The following NFATC2 variants were observed in gnomAD, a reference collection of about 807,000 sequenced individuals.
The protein encoded by NFATC2 is nuclear factor of activated T cells 2.
Under a neutral mutation model 87.3 loss-of-function variants are expected in NFATC2, and 22 were observed. The observed-to-expected ratio is 0.25, with a 90% CI of 0.18 to 0.36. The LOEUF (loss-of-function observed/expected upper bound fraction) is 0.36. NFATC2 is among the 10% of genes least tolerant of loss of function. The pLI, the probability that NFATC2 is intolerant of heterozygous loss-of-function variation, is 1.00. For synonymous variants in NFATC2, 565 were observed against 542.2 expected, an observed-to-expected ratio of 1.04 and a Z score of -0.58; for missense variants, 1,149 against 1,259.1, an observed-to-expected ratio of 0.91 and a Z score of 1.32.
In NFATC2 at chr20:51,523,068, A is replaced by T; in HGVS notation, c.1160+13T>A. 6.2e-7 allele frequency: 1 copy of T among 1,614,030 alleles called. No individual in the cohort carries two copies. Among genetic ancestry groups the T allele is most frequent in the Non-Finnish European group, 8.5e-7 (1 of 1,180,020 alleles). ...TAAACCACAGAATCAATCATTTTCA[A>T]AGCCCTGCTCACCTGCAGATGGGAA... On this transcript the variant is annotated intron_variant, in intron 2 of 10. Coordinates refer to ENST00000371564, the MANE Select transcript of NFATC2 (RefSeq NM_012340.5). The surrounding 1 kb of genome is among the most constrained non-coding windows in gnomAD (Gnocchi z 6.9).
In NFATC2 at chr20:51,390,358, T is replaced by C. The variant is rs942476891; in HGVS notation, c.*1138A>G. On this transcript the variant is annotated 3_prime_UTR_variant, in exon 11 of 11. Transcript: ENST00000371564. ...TCCTCTATCTTGGTAGAAACCCACC[T>C]CCAGAAGCACTTGGGCTGTTTTACT... The C allele has an allele frequency of 4.6e-5, 7 of 152,234 alleles. No homozygotes were observed. Among genetic ancestry groups the C allele is most frequent in the African/African-American group, 1.7e-4 (7 of 41,464 alleles). The allele number at this position is 152,234 out of a possible 1,614,324, so 9.4% of individuals were successfully genotyped here.
intron 5 of NFATC2, among the ~76,000 whole-genome samples, chr20:51,464,745 A>AC: frequency 6.6e-6 from 1 of 152,200 alleles, no homozygotes; most frequent in Non-Finnish European, 1.5e-5. Context: ...TTATAATGAG[A>AC]TGATGCCACC....
At chr20:51,404,905 T>G (rs1452650255) in intron 9 of NFATC2, among the ~76,000 whole-genome samples, 1 of 152,204 alleles carries the variant, frequency 6.6e-6, no homozygotes, top group African/African-American at 2.4e-5. Context: ...ACAAGCACCC[T>G]GCCACCAGCC....
chr20:51,554,735 G>T (rs16996079), intron 1 of NFATC2, among the ~76,000 whole-genome samples: 1,976 of 152,204 alleles, frequency 0.013, 36 homozygotes, highest in African/African-American at 0.044. Flanking sequence ...GTTTTGTCTC[G>T]CACGAGTCTG....
chr20:51,401,178 C>T (rs567621405), intron 9 of NFATC2, among the ~76,000 whole-genome samples: 7 of 152,004 alleles, frequency 4.6e-5, no homozygotes, highest in South Asian at 2.1e-4. Flanking sequence ...AAGACCAGCC[C>T]GGCCAATATG....
intron 3 of NFATC2, among the ~76,000 whole-genome samples, chr20:51,504,846 A>G (rs2076149317): frequency 6.6e-6 from 1 of 152,174 alleles, no homozygotes; most frequent in South Asian, 2.1e-4. Context: ...GCAGTCTTCA[A>G]AATAACCTGA....
chr20:51,558,484 T>TG (rs71192531), intron 1 of NFATC2, among the ~76,000 whole-genome samples: 1,939 of 150,566 alleles, frequency 0.013, 29 homozygotes, highest in African/African-American at 0.035. Flanking sequence ...TTGGTTTTTT[T>TG]GGGGGGGGGC....
chr20:51,516,414 C>A (rs993488600), intron 3 of NFATC2, among the ~76,000 whole-genome samples: 1 of 152,142 alleles, frequency 6.6e-6, no homozygotes, highest in Non-Finnish European at 1.5e-5. Flanking sequence ...CTATATTTTA[C>A]AAAAATTACC....
chr20:51,471,632 T>C (rs1336489131), intron 5 of NFATC2, among the ~76,000 whole-genome samples: 1 of 152,190 alleles, frequency 6.6e-6, no homozygotes, highest in Non-Finnish European at 1.5e-5. Flanking sequence ...CAAGACCAAG[T>C]TCTGGCTGCT....
In NFATC2 at chr20:51,389,199, G is replaced by A. The variant is rs2869419; in HGVS notation, c.*2297C>T. 2.0e-5 allele frequency: 3 copies of A among 152,040 alleles called. No homozygotes were observed. The highest frequency in any genetic ancestry group is 2.1e-4 in the South Asian group (1 of 4,828). 9.4% of individuals were successfully genotyped at this position (152,040 alleles called of 1,614,324 possible). A position where few individuals can be genotyped will look rare whatever the true frequency, so the allele number is the denominator to read the frequency against. ...CAGGAGGTTGAGCTACCAGGAGGCC[G>A]TTTTTGCTAACATAGTTAGAAAACT... On this transcript the variant is annotated 3_prime_UTR_variant, in exon 11 of 11. Transcript: ENST00000371564.
chr20:51,405,761 T>C (rs1485334774), intron 9 of NFATC2, among the ~76,000 whole-genome samples: 2 of 152,144 alleles, frequency 1.3e-5, no homozygotes, highest in Admixed American at 6.5e-5. Context: ...GGAGGAATGA[T>C]TGGGCGAAAG....
intron 3 of NFATC2, among the ~76,000 whole-genome samples, chr20:51,487,565 C>T (rs983476000): frequency 6.6e-6 from 1 of 152,206 alleles, no homozygotes; most frequent in Admixed American, 6.5e-5. Context: ...CCACCAGAGA[C>T]ATCTGGATGA....
At chr20:51,528,501 TACAC>T (rs1340934548) in intron 1 of NFATC2, among the ~76,000 whole-genome samples, 1 of 151,904 alleles carries the variant, frequency 6.6e-6, no homozygotes, top group African/African-American at 2.4e-5. Context: ...CAGACAGATG[TACAC>T]ACACATATGT....
chr20:51,556,913 C>G (rs1407026142), intron 1 of NFATC2, among the ~76,000 whole-genome samples: 1 of 152,088 alleles, frequency 6.6e-6, no homozygotes, highest in African/African-American at 2.4e-5. Context: ...GGAGTCATTG[C>G]GTGGTGCAGA....
intron 3 of NFATC2, among the ~76,000 whole-genome samples, chr20:51,496,442 C>T (rs141408620): frequency 6.6e-6 from 1 of 152,010 alleles, no homozygotes; most frequent in East Asian, 1.9e-4. Flanking sequence ...CCCCGCCCCC[C>T]ACTCAAATGT....
At chr20:51,515,841 A>G (rs908534681) in intron 3 of NFATC2, among the ~76,000 whole-genome samples, 6 of 152,162 alleles carry the variant, frequency 3.9e-5, no homozygotes, top group East Asian at 1.9e-4. Context: ...CTCATGTTAT[A>G]TAGTTTCTAA....
chr20:51,560,880 G>A (rs371596745), intron 1 of NFATC2, among the ~76,000 whole-genome samples: 1 of 152,170 alleles, frequency 6.6e-6, no homozygotes, highest in South Asian at 2.1e-4. Context: ...AGAGTTAGCA[G>A]CCTCAATAAA....
chr20:51,545,036 T>G (rs7273906), upstream of NFATC2, among the ~76,000 whole-genome samples: 534 of 152,198 alleles, frequency 3.5e-3, 6 homozygotes, highest in African/African-American at 0.012. Flanking sequence ...GAAGGAAGAG[T>G]GAAGACCCCA....
chr20:51,515,674 G>A (rs1358246746), intron 3 of NFATC2, among the ~76,000 whole-genome samples: 1 of 139,878 alleles, frequency 7.1e-6, no homozygotes, highest in African/African-American at 2.6e-5. Context: ...AGATGGCTAT[G>A]GTGTCTGATT....
Sources: gnomAD v4.1 joint callset for allele counts (sites outside exome capture counted in the v4.1 genomes callset) on GRCh38, gnomAD v4.1.1 for gene constraint, Gnocchi (gnomAD v3.1) non-coding constraint, MANE v1.5 for transcripts, NCBI Gene and HGNC (gene_info 2026-07-23, HGNC 2026-07-21) for gene names.